Variants in PCDHA3 observed in about 807,000 individuals in gnomAD.
The protein encoded by PCDHA3 is protocadherin alpha 3.
In PCDHA3, 41 loss-of-function variants were observed where a neutral mutation model predicts 62.2. The ratio of observed to expected loss-of-function variants is 0.66; its 90% confidence interval spans 0.51 to 0.86. The LOEUF is 0.86. Among genes scored for constraint, PCDHA3 ranks in the 40% least tolerant of loss-of-function variants. PCDHA3 has a pLI of 0.00. For missense variants in PCDHA3, 1,304 were observed against 1,241.2 expected, an observed-to-expected ratio of 1.05 and a Z score of -0.76; for synonymous variants, 640 against 555.4, an observed-to-expected ratio of 1.15 and a Z score of -2.14.
chr5:141,003,167 C>T (rs1160809977), intron 3 of PCDHA3, among the ~76,000 whole-genome samples: 1 of 152,180 alleles, frequency 6.6e-6, no homozygotes, highest in Non-Finnish European at 1.5e-5. Context: ...AATCCTAGTC[C>T]CTGAGGCTCA....
chr5:140,876,206 C>T, intron 1 of PCDHA3: 1 of 1,613,864 alleles, frequency 6.2e-7, no homozygotes, highest in South Asian at 1.1e-5. Context: ...TTTGATAAGC[C>T]CAGCTATAAA....
intron 1 of PCDHA3, among the ~76,000 whole-genome samples, chr5:140,965,098 A>G (rs1554227430): frequency 6.6e-6 from 1 of 152,244 alleles, no homozygotes; most frequent in African/African-American, 2.4e-5. Flanking sequence ...GTCCATAGCT[A>G]GAAAATGACC....
In PCDHA3 at chr5:140,853,519, C is replaced by G. The variant is rs73793503; in HGVS notation, c.2394+49928C>G. ...GAATCATGAAACAATAATGAAGCTCCTCCTATGTCTCTTTTCAAGTTGTAA... is the reference window on the plus strand; with the variant it reads ...GAATCATGAAACAATAATGAAGCTCGTCCTATGTCTCTTTTCAAGTTGTAA... On this transcript the variant is annotated intron_variant, in intron 1 of 3. Transcript: ENST00000522353. The G allele has an allele frequency of 2.2e-3, 2,124 of 976,444 alleles. 135 individuals are homozygous for G. The African/African-American group carries it at 0.036, about 16-fold the overall frequency. The allele number at this position is 976,444 out of a possible 1,614,324, so 60.5% of individuals were successfully genotyped here. A position where few individuals can be genotyped will look rare whatever the true frequency, so the allele number is the denominator to read the frequency against.
chr5:140,891,767 A>C (rs1350557618), intron 1 of PCDHA3, among the ~76,000 whole-genome samples: 2 of 152,156 alleles, frequency 1.3e-5, no homozygotes, highest in African/African-American at 2.4e-5. Context: ...GAGGTGGGGA[A>C]TTTCAGGAAA....
intron 1 of PCDHA3, among the ~76,000 whole-genome samples, chr5:140,880,837 A>G (rs2058501881): frequency 1.3e-5 from 2 of 152,230 alleles, no homozygotes; most frequent in African/African-American, 4.8e-5. Flanking sequence ...CATATTTTAA[A>G]TGGTTGACTA....
At chr5:140,884,400 T>C (rs2060147472) in intron 1 of PCDHA3, 1 of 1,613,972 alleles carries the variant, frequency 6.2e-7, no homozygotes, top group Non-Finnish European at 8.5e-7. Context: ...TCCAGCCTGT[T>C]GGTGCTCACG....
chr5:140,901,270 C>T (rs2068553355), intron 1 of PCDHA3, among the ~76,000 whole-genome samples: 2 of 152,246 alleles, frequency 1.3e-5, no homozygotes, highest in South Asian at 4.1e-4. Flanking sequence ...TGGGGTATTA[C>T]TCAAGAAATT....
Position 140,863,100 on chromosome 5 carries a change from C to A in PCDHA3, c.2394+59509C>A, listed in dbSNP as rs146061743. 4,507 of 579,870 alleles carry A rather than the reference C, an allele frequency of 7.8e-3. 34 individuals carry two copies. The highest frequency in any genetic ancestry group is 0.018 in the Middle Eastern group (62 of 3,436). The allele number at this position is 579,870 out of a possible 1,614,324, so 35.9% of individuals were successfully genotyped here. A position where few individuals can be genotyped will look rare whatever the true frequency, so the allele number is the denominator to read the frequency against. ...CGGGCGAGATCAGCACGACGAGTAC[C>A]CTGGACGAGGCGAAAGCTACGCGCC... On this transcript the variant is annotated intron_variant, in intron 1 of 3. Coordinates refer to ENST00000522353, the MANE Select transcript of PCDHA3 (RefSeq NM_018906.3).
intron 1 of PCDHA3, chr5:140,859,021 T>C (rs537770888): frequency 6.6e-6 from 1 of 151,436 alleles, no homozygotes; most frequent in Admixed American, 6.6e-5. Context: ...GCAATTAAGT[T>C]AAATGCTTTG....
At chr5:140,964,015 A>G (rs1466689123) in intron 1 of PCDHA3, among the ~76,000 whole-genome samples, 1 of 152,178 alleles carries the variant, frequency 6.6e-6, no homozygotes. Context: ...TTTAATAGAG[A>G]GCTCTTGAAG....
intron 1 of PCDHA3, among the ~76,000 whole-genome samples, chr5:140,840,978 T>C (rs1453461465): frequency 6.6e-6 from 1 of 152,022 alleles, no homozygotes; most frequent in African/African-American, 2.4e-5. Context: ...GAAGAAGAAA[T>C]CCCTAGCTGA....
At chr5:140,886,596 G>C (rs1359025262) in intron 1 of PCDHA3, among the ~76,000 whole-genome samples, 1 of 152,008 alleles carries the variant, frequency 6.6e-6, no homozygotes, top group East Asian at 1.9e-4. Context: ...GGGAGGCCAA[G>C]GTGGGCGGAT....
At chr5:140,806,935 T>C in intron 1 of PCDHA3, 1 of 553,700 alleles carries the variant, frequency 1.8e-6, no homozygotes, top group Non-Finnish European at 3.2e-6. Context: ...CCAAGTAGTT[T>C]ACAGTAGAGT....
rs2150392159 is a variant in PCDHA3, at chr5:140,846,538, C to T, written c.2394+42947C>T. ...TACAGGTGCATGCCACCATGCCCTG[C>T]TAATTTTTTGTATTTTTAGTAGAGT... On this transcript the variant is annotated intron_variant, in intron 1 of 3. Transcript: ENST00000522353. Among the ~76,000 whole-genome samples the T allele has an allele frequency of 2.0e-4, 30 of 148,498 alleles. 2 individuals are homozygous for T. The highest frequency in any genetic ancestry group is 4.1e-4 in the Admixed American group (6 of 14,814).
chr5:140,875,924 A>G (rs782181544), intron 1 of PCDHA3: 5 of 1,613,936 alleles, frequency 3.1e-6, no homozygotes, highest in Non-Finnish European at 4.2e-6. Context: ...CTGGACTCTC[A>G]TTTTCCTCTA....
Position 141,010,126 on chromosome 5 carries a change from C to G in PCDHA3, c.*189C>G, listed in dbSNP as rs2098416139. ...TTTTGTCGTAAAAGCTTTACTAAGT[C>G]TGGTGTTAACTCTTTCTCTCCACTC... On this transcript the variant is annotated 3_prime_UTR_variant, in exon 4 of 4. Coordinates refer to ENST00000522353, the MANE Select transcript of PCDHA3 (RefSeq NM_018906.3). 1 of 1,602,246 alleles carries G rather than the reference C, an allele frequency of 6.2e-7. No homozygotes were observed. The highest frequency in any genetic ancestry group is 8.5e-7 in the Non-Finnish European group (1 of 1,173,654).
rs1205846373 is a variant in PCDHA3 at position 140,858,213 on chromosome 5, C to T, written c.2394+54622C>T. Reference sequence around the variant, plus strand: ...CTGCTGTACACTGCACTGAGGTGCTCGGCGGCGCCCACCGAGGGCGCATGT... The same window carrying T: ...CTGCTGTACACTGCACTGAGGTGCTTGGCGGCGCCCACCGAGGGCGCATGT... On this transcript the variant is annotated intron_variant, in intron 1 of 3. Coordinates refer to ENST00000522353, the MANE Select transcript of PCDHA3 (RefSeq NM_018906.3). 13 of 1,594,002 alleles carry T rather than the reference C, an allele frequency of 8.2e-6. 3 individuals are homozygous for T. Among genetic ancestry groups the T allele is most frequent in the Non-Finnish European group, 1.1e-5 (13 of 1,165,570 alleles).
At chr5:140,978,873 A>G in intron 1 of PCDHA3, 76 bp from the exon 2 acceptor site, 2 of 1,608,618 alleles carry the variant, frequency 1.2e-6, no homozygotes, top group Non-Finnish European at 1.7e-6. Flanking sequence ...TAAGGGAGTA[A>G]CTAATCAATT....
intron 1 of PCDHA3, chr5:140,861,935 C>T (rs2047149357): frequency 6.5e-6 from 1 of 153,898 alleles, no homozygotes; most frequent in Admixed American, 6.5e-5. Flanking sequence ...TGATGATGCC[C>T]AGTGTTTGAC....
Sources: gnomAD v4.1 joint callset for allele counts (sites outside exome capture counted in the v4.1 genomes callset) on GRCh38, gnomAD v4.1.1 for gene constraint, MANE v1.5 for transcripts, NCBI Gene and HGNC (gene_info 2026-07-23, HGNC 2026-07-21) for gene names.